The following QTGAL variants were observed in gnomAD, a reference collection of about 807,000 sequenced individuals.
QTGAL encodes BGnT-like protein 1.
chr17:83,014,461 G>A, the QTGAL span: 37 of 1,613,982 alleles, frequency 2.3e-5, no homozygotes, highest in African/African-American at 3.9e-4. Flanking sequence ...TACGCTCGAC[G>A]GGTGCTGAAC....
At chr17:82,989,973 C>T in the QTGAL span, among the ~76,000 whole-genome samples, 1 of 152,324 alleles carries the variant, frequency 6.6e-6, no homozygotes, top group South Asian at 2.1e-4. Flanking sequence ...AGGTTTGCAT[C>T]ACAATGGATA....
chr17:83,031,907 G>A, the QTGAL span, among the ~76,000 whole-genome samples: 1 of 152,238 alleles, frequency 6.6e-6, no homozygotes, highest in Non-Finnish European at 1.5e-5. Flanking sequence ...AACGTCCTTC[G>A]AGGATGTTCA....
chr17:82,951,743 G>A, the QTGAL span, among the ~76,000 whole-genome samples: 12 of 114,962 alleles, frequency 1.0e-4, no homozygotes, highest in Non-Finnish European at 1.3e-4. Flanking sequence ...CCACTGTGGG[G>A]TTATTAGTTA....
the QTGAL span, among the ~76,000 whole-genome samples, chr17:82,995,019 G>A: frequency 6.6e-6 from 1 of 152,016 alleles, no homozygotes. Flanking sequence ...TAAAAAGCAA[G>A]GTATAGAAGG....
the QTGAL span, among the ~76,000 whole-genome samples, chr17:82,963,079 G>A: frequency 6.6e-6 from 1 of 152,210 alleles, no homozygotes; most frequent in African/African-American, 2.4e-5. Context: ...AGGCATCAGG[G>A]AAGAAGCCGA....
At chr17:82,946,980 G>A in the QTGAL span, 1 of 1,558,918 alleles carries the variant, frequency 6.4e-7, no homozygotes, top group Non-Finnish European at 8.7e-7. Context: ...CCCCCTGTGA[G>A]GTCCTGTCAG....
At chr17:82,986,010 C>G in the QTGAL span, among the ~76,000 whole-genome samples, 1 of 152,180 alleles carries the variant, frequency 6.6e-6, no homozygotes, top group Non-Finnish European at 1.5e-5. Flanking sequence ...GTGCTGAGTG[C>G]CTGGGATCAA....
chr17:82,949,492 C>T, the QTGAL span: 1 of 152,178 alleles, frequency 6.6e-6, no homozygotes, highest in African/African-American at 2.4e-5. Flanking sequence ...GCCCTGAGAC[C>T]CGCAAGCTGC....
At chr17:82,979,638 C>G in the QTGAL span, among the ~76,000 whole-genome samples, 3 of 152,124 alleles carry the variant, frequency 2.0e-5, no homozygotes, top group African/African-American at 7.2e-5. Context: ...GAGGACGGGA[C>G]AAATAGTGAA....
the QTGAL span, among the ~76,000 whole-genome samples, chr17:83,038,575 T>C: frequency 2.0e-5 from 3 of 152,218 alleles, no homozygotes; most frequent in African/African-American, 7.2e-5. Flanking sequence ...AAAAGAATAT[T>C]AGGCCGGGCG....
At chr17:82,944,586 G>C in the QTGAL span, 1 of 152,218 alleles carries the variant, frequency 6.6e-6, no homozygotes, top group Non-Finnish European at 1.5e-5. Flanking sequence ...GGTCCAGACT[G>C]TGTCCAATGG....
At chr17:83,048,000 T>TTTCC in the QTGAL span, among the ~76,000 whole-genome samples, 2 of 150,148 alleles carry the variant, frequency 1.3e-5, no homozygotes, top group Non-Finnish European at 3.0e-5. Context: ...TTCTTCCTTC[T>TTTCC]TTCCTTCCTT....
chr17:82,969,469 A>G, the QTGAL span, among the ~76,000 whole-genome samples: 2 of 151,980 alleles, frequency 1.3e-5, no homozygotes, highest in Non-Finnish European at 2.9e-5. Context: ...TCGGCCTCCC[A>G]AAGTGCTGGG....
the QTGAL span, among the ~76,000 whole-genome samples, chr17:83,035,497 G>A: frequency 2.0e-5 from 3 of 152,108 alleles, no homozygotes; most frequent in South Asian, 6.2e-4. Flanking sequence ...AGAAAGCTAG[G>A]AACATTTTGC....
At chr17:82,981,824 C>T in the QTGAL span, 4 of 152,236 alleles carry the variant, frequency 2.6e-5, no homozygotes, top group Non-Finnish European at 5.9e-5. Context: ...AACAGGTGAT[C>T]AACATTGTCC....
chr17:82,999,575 A>G, the QTGAL span, among the ~76,000 whole-genome samples: 1 of 152,248 alleles, frequency 6.6e-6, no homozygotes, highest in African/African-American at 2.4e-5. Context: ...CATATTTTGT[A>G]TGTTATATGT....
At chr17:83,019,936 G>A in the QTGAL span, among the ~76,000 whole-genome samples, 87 of 152,156 alleles carry the variant, frequency 5.7e-4, no homozygotes, top group South Asian at 0.017. Flanking sequence ...GTTTCACCAC[G>A]TTGGCCAGGC....
the QTGAL span, among the ~76,000 whole-genome samples, chr17:83,049,896 C>T: frequency 6.6e-6 from 1 of 152,150 alleles, no homozygotes; most frequent in Non-Finnish European, 1.5e-5. Context: ...GGAGTTAAGT[C>T]TTAATTTCAT....
the QTGAL span, among the ~76,000 whole-genome samples, chr17:83,049,986 A>C: frequency 6.6e-6 from 1 of 152,180 alleles, no homozygotes; most frequent in Non-Finnish European, 1.5e-5. Flanking sequence ...CAAAAAAGAA[A>C]AGTTGAAATT....
Sources: allele counts gnomAD v4.1 joint callset (sites outside exome capture counted in the v4.1 genomes callset), GRCh38; gene constraint gnomAD v4.1.1; transcripts MANE v1.5; gene names NCBI Gene and HGNC (gene_info 2026-07-23, HGNC 2026-07-21).